Variants in ICE2 observed in about 807,000 individuals in gnomAD.
ICE2 encodes interactor of little elongation complex ELL subunit 2, also known as little elongation complex subunit 2.
ICE2 carries 87 observed loss-of-function variants against 105.4 expected under a neutral mutation model. The ratio of observed to expected loss-of-function variants is 0.83; its 90% CI spans 0.69 to 0.99. ICE2 has a LOEUF of 0.99. Among genes scored for constraint, ICE2 ranks in the 50% least tolerant of loss-of-function variants. ICE2 has a pLI of 0.00. For missense variants in ICE2, 1,323 were observed against 1,146.7 expected (o/e 1.15, Z -2.22); for synonymous variants, 399 against 392.0 (o/e 1.02, Z -0.21).
At chr15:60,476,019 A>C in intron 3 of ICE2, 44 bp downstream of exon 3, 1 of 1,281,002 alleles carries the variant, frequency 7.8e-7, no homozygotes, top group Non-Finnish European at 1.1e-6. Context: ...TATCAGAAAA[A>C]CGACCATCAA....
In ICE2 at chr15:60,448,041, A is replaced by G. The variant is rs2063862926; in HGVS notation, c.2224T>C (p.Leu742=). 1 of 1,613,872 alleles carries G rather than the reference A, an allele frequency of 6.2e-7. No homozygotes were observed. Among genetic ancestry groups the G allele is most frequent in the African/African-American group, 1.3e-5 (1 of 74,922 alleles). The change falls in exon 11 of 16, where the codon TTA becomes CTA. Residue 742 remains leucine, a synonymous_variant. Coordinates refer to ENST00000261520, the MANE Select transcript of ICE2 (RefSeq NM_024611.6). ...CTCTGGACACTGCAGCGTACGAGTAACAACAGGTCTTGCAGGCTAAATAAC... is the reference window on the plus strand; with the variant it reads ...CTCTGGACACTGCAGCGTACGAGTAGCAACAGGTCTTGCAGGCTAAATAAC... The part of the protein sequence containing the change: ...YKLFSLQDLL[L]LVRCSVQRIE...
chr15:60,465,785 C>CT (rs1178863475), intron 5 of ICE2, among the ~76,000 whole-genome samples: 1 of 140,190 alleles, frequency 7.1e-6, no homozygotes, highest in East Asian at 2.0e-4. Context: ...GGGTATCGCT[C>CT]TGTCACCTAG....
At chr15:60,444,611 G>C (rs1272324083) in intron 11 of ICE2, among the ~76,000 whole-genome samples, 3 of 152,102 alleles carry the variant, frequency 2.0e-5, no homozygotes, top group African/African-American at 7.2e-5. Context: ...CAAAGTTCCT[G>C]GGTATGGATT....
intron 11 of ICE2, among the ~76,000 whole-genome samples, chr15:60,446,971 T>C (rs2063835656): frequency 2.0e-5 from 3 of 152,120 alleles, no homozygotes; most frequent in Non-Finnish European, 4.4e-5. Flanking sequence ...AATTATAATA[T>C]AGAAGATTCC....
At chr15:60,466,929 A>G (rs112611343) in intron 4 of ICE2, among the ~76,000 whole-genome samples, 2 of 152,210 alleles carry the variant, frequency 1.3e-5, no homozygotes, top group African/African-American at 4.8e-5. Flanking sequence ...AAGACTATAC[A>G]ATACATGCTC....
At chr15:60,451,415 T>A in intron 9 of ICE2, 1 of 961,408 alleles carries the variant, frequency 1.0e-6, no homozygotes, top group Non-Finnish European at 1.2e-6. Flanking sequence ...CAGAAGGAAA[T>A]AAAATTAGAT....
At chr15:60,448,231 A>C in intron 10 of ICE2, 86 bp from the exon 11 acceptor site, 1 of 829,734 alleles carries the variant, frequency 1.2e-6, no homozygotes, top group Non-Finnish European at 1.8e-6. Flanking sequence ...TAACTATTTT[A>C]AAACTTCTAT....
chr15:60,445,116 A>T (rs2063795152), intron 11 of ICE2, among the ~76,000 whole-genome samples: 1 of 152,352 alleles, frequency 6.6e-6, no homozygotes, highest in Non-Finnish European at 1.5e-5. Flanking sequence ...GACAACTAAA[A>T]TAATTGAAGA....
At chr15:60,438,256 TA>T (rs1377889892) in intron 12 of ICE2, 1 of 152,228 alleles carries the variant, frequency 6.6e-6, no homozygotes, top group Non-Finnish European at 1.5e-5. Flanking sequence ...AAATTGTTTT[TA>T]TTTTTTTAAC....
At chr15:60,436,898 C>T (rs1266567109) in intron 12 of ICE2, among the ~76,000 whole-genome samples, 1 of 151,800 alleles carries the variant, frequency 6.6e-6, no homozygotes, top group East Asian at 1.9e-4. Flanking sequence ...ATCAAATGTA[C>T]AGGGGCTAAG....
At chr15:60,434,373 A>G (rs2063532163) in intron 13 of ICE2, among the ~76,000 whole-genome samples, 3 of 152,154 alleles carry the variant, frequency 2.0e-5, no homozygotes, top group South Asian at 2.1e-4. Flanking sequence ...TTTGCTTCCC[A>G]TGCACGGCGG....
Position 60,475,136 on chromosome 15 carries a change from G to T in ICE2, c.146+927C>A, listed in dbSNP as rs544915043. The stretch of plus-strand genomic sequence containing the variant: ...AAGAAAGTAAATGTTGAGCTTCCCT[G>T]GGGGAGTTTCCTAATTCCTCATTTG... On this transcript the variant is annotated intron_variant, in intron 3 of 15. Coordinates refer to ENST00000261520, the MANE Select transcript of ICE2 (RefSeq NM_024611.6). Among the ~76,000 whole-genome samples the T allele has an allele frequency of 2.0e-5, 3 of 152,272 alleles. No homozygotes were observed. In the South Asian group the frequency reaches 6.2e-4, roughly 32 times the overall value.
intron 4 of ICE2, among the ~76,000 whole-genome samples, chr15:60,467,656 G>C (rs1309843058): frequency 4.6e-5 from 7 of 152,138 alleles, no homozygotes; most frequent in Middle Eastern, 3.2e-3. Context: ...ACATGCATAG[G>C]TTTTGATCTG....
chr15:60,454,785 G>T (rs972002376), intron 8 of ICE2: 1 of 415,330 alleles, frequency 2.4e-6, no homozygotes. Flanking sequence ...TTTGCTGCAC[G>T]TATCAACCTG....
chr15:60,430,076 C>T (rs1408135250), intron 14 of ICE2, among the ~76,000 whole-genome samples: 1 of 151,962 alleles, frequency 6.6e-6, no homozygotes, highest in Non-Finnish European at 1.5e-5. Context: ...TGTTACATGG[C>T]CAAAGGGAAT....
intron 2 of ICE2, among the ~76,000 whole-genome samples, chr15:60,476,714 TTA>T (rs1172992760): frequency 6.6e-6 from 1 of 152,206 alleles, no homozygotes; most frequent in African/African-American, 2.4e-5. Context: ...CATAATTAAT[TTA>T]GAGACTAACA....
At chr15:60,444,653 G>A (rs148111510) in intron 11 of ICE2, among the ~76,000 whole-genome samples, 21 of 152,080 alleles carry the variant, frequency 1.4e-4, no homozygotes, top group African/African-American at 5.1e-4. Flanking sequence ...AGTAAATTCT[G>A]TTTTATATCT....
intron 3 of ICE2, among the ~76,000 whole-genome samples, chr15:60,472,474 C>A (rs1250584548): frequency 6.6e-6 from 1 of 152,040 alleles, no homozygotes; most frequent in African/African-American, 2.4e-5. Flanking sequence ...CTAGAAACAT[C>A]ATATCAATAA....
rs1183618366 is a variant in ICE2 at position 60,468,094 on chromosome 15, A to C, written c.375T>G (p.Val125=). The part of the protein sequence containing the change: ...YAKIPANSKA[V]GINKNDYLQY... ...GCAAGTAGTCATTTTTATTTATTCC[A>C]ACAGCTTTGGAATTTGCAGGAATCT... is the stretch of plus-strand genomic sequence containing the variant. Residue 125 remains valine, a synonymous_variant, in exon 4 of 16, where the codon GTT becomes GTG. Coordinates refer to ENST00000261520, the MANE Select transcript of ICE2 (RefSeq NM_024611.6). The C allele has an allele frequency of 6.2e-7, 1 of 1,613,510 alleles. No homozygotes were observed. Among genetic ancestry groups the C allele is most frequent in the African/African-American group, 1.3e-5 (1 of 74,904 alleles).
Sources: gnomAD v4.1 joint callset for allele counts (sites outside exome capture counted in the v4.1 genomes callset) on GRCh38, gnomAD v4.1.1 for gene constraint, MANE v1.5 for transcripts, NCBI Gene and HGNC (gene_info 2026-07-23, HGNC 2026-07-21) for gene names.